CPED1: variants seen among roughly 807,000 people sequenced by gnomAD.
CPED1 encodes cadherin-like and PC-esterase domain-containing protein 1.
A neutral mutation model predicts 128.2 loss-of-function variants in CPED1; 114 were observed. That is an observed-to-expected ratio of 0.89 (90% CI 0.76 to 1.04). The LOEUF is 1.04. CPED1 is among the 50% of genes least tolerant of loss of function. CPED1 has a pLI of 0.00. For missense variants in CPED1, 1,211 were observed against 1,207.1 expected, an observed-to-expected ratio of 1.00 and a Z score of -0.05; for synonymous variants, 462 against 426.7, an observed-to-expected ratio of 1.08 and a Z score of -1.02.
intron 2 of CPED1, among the ~76,000 whole-genome samples, chr7:120,999,677 C>G (rs558774540): frequency 6.6e-6 from 1 of 152,144 alleles, no homozygotes; most frequent in Non-Finnish European, 1.5e-5. Context: ...AACACACTAA[C>G]AGGTACGCAA....
chr7:121,169,166 G>T (rs1364159328), intron 16 of CPED1, among the ~76,000 whole-genome samples: 2 of 152,076 alleles, frequency 1.3e-5, no homozygotes, highest in African/African-American at 4.8e-5. Flanking sequence ...CATTAAATAG[G>T]TTCCGAGTCA....
At chr7:121,249,976 A>G (rs1254182642) in intron 18 of CPED1, among the ~76,000 whole-genome samples, 5 of 152,232 alleles carry the variant, frequency 3.3e-5, no homozygotes, top group African/African-American at 1.2e-4. Context: ...CGGAACTAAT[A>G]GACGTCTACA....
At chr7:120,995,966 C>T (rs2721356) in intron 2 of CPED1, among the ~76,000 whole-genome samples, 92 of 87,096 alleles carry the variant, frequency 1.1e-3, no homozygotes, top group African/African-American at 3.8e-3. Context: ...TCCTCCTCCT[C>T]CTCCTTCTTC....
At chr7:121,150,910 A>G (rs919184168) in intron 16 of CPED1, among the ~76,000 whole-genome samples, 1 of 152,000 alleles carries the variant, frequency 6.6e-6, no homozygotes, top group African/African-American at 2.4e-5. Context: ...CTGGGATTAC[A>G]GGCGCCTGCC....
intron 16 of CPED1, among the ~76,000 whole-genome samples, chr7:121,194,319 G>A (rs1212329870): frequency 6.6e-6 from 1 of 151,778 alleles, no homozygotes; most frequent in Non-Finnish European, 1.5e-5. Flanking sequence ...CCAAAGTGCT[G>A]GGATTACTAG....
At chr7:121,192,707 G>T (rs906562942) in intron 16 of CPED1, among the ~76,000 whole-genome samples, 1 of 152,052 alleles carries the variant, frequency 6.6e-6, no homozygotes, top group Non-Finnish European at 1.5e-5. Context: ...AGAATGAAAG[G>T]ATAGAGAAAA....
intron 16 of CPED1, among the ~76,000 whole-genome samples, chr7:121,216,883 T>C (rs754874903): frequency 3.9e-5 from 6 of 152,050 alleles, no homozygotes; most frequent in Non-Finnish European, 7.4e-5. Context: ...TGTTCCAACA[T>C]GGAATATGTT....
chr7:121,237,674 T>A (rs1038312096), intron 17 of CPED1, among the ~76,000 whole-genome samples: 2 of 152,148 alleles, frequency 1.3e-5, no homozygotes, highest in Non-Finnish European at 2.9e-5. Context: ...TGGTTACTGC[T>A]CTGTCCTCCT....
intron 5 of CPED1, among the ~76,000 whole-genome samples, chr7:121,096,380 G>A (rs1003137846): frequency 6.6e-6 from 1 of 152,074 alleles, no homozygotes; most frequent in African/African-American, 2.4e-5. Context: ...TAAAGGCTTT[G>A]TTCTATTTTG....
chr7:121,178,499 G>T (rs1796832978), intron 16 of CPED1, among the ~76,000 whole-genome samples: 2 of 152,002 alleles, frequency 1.3e-5, no homozygotes, highest in Admixed American at 1.3e-4. Context: ...TCCACTTCAA[G>T]TACAATTGAC....
At chr7:121,178,439 G>A (rs1796831426) in intron 16 of CPED1, among the ~76,000 whole-genome samples, 1 of 152,014 alleles carries the variant, frequency 6.6e-6, no homozygotes, top group Admixed American at 6.6e-5. Flanking sequence ...TTAACTCTGT[G>A]CTGTAATGTA....
At chr7:121,287,316 G>A (rs1792604105) in intron 22 of CPED1, among the ~76,000 whole-genome samples, 1 of 151,990 alleles carries the variant, frequency 6.6e-6, no homozygotes, top group East Asian at 1.9e-4. Flanking sequence ...TACACGAGAG[G>A]GTTATGGTGT....
chr7:121,104,923 C>G (rs1794936898), intron 7 of CPED1, among the ~76,000 whole-genome samples: 1 of 151,958 alleles, frequency 6.6e-6, no homozygotes, highest in Non-Finnish European at 1.5e-5. Flanking sequence ...CCAGTAAATG[C>G]AATAGACAGA....
chr7:121,022,678 T>C (rs1484914573), intron 3 of CPED1, among the ~76,000 whole-genome samples: 10 of 152,142 alleles, frequency 6.6e-5, no homozygotes, highest in Non-Finnish European at 1.5e-5. Context: ...TATAAAGCAG[T>C]GTGACACAGT....
chr7:121,132,367 A>G (rs1795692416), intron 12 of CPED1, among the ~76,000 whole-genome samples: 1 of 151,976 alleles, frequency 6.6e-6, no homozygotes, highest in Admixed American at 6.6e-5. Flanking sequence ...CATTGTCCTT[A>G]TCTTCTCAAT....
intron 22 of CPED1, among the ~76,000 whole-genome samples, chr7:121,293,789 G>A (rs1792763281): frequency 6.6e-6 from 1 of 151,866 alleles, no homozygotes. Flanking sequence ...TGCTTCCTTG[G>A]TGAGGCAACG....
intron 16 of CPED1, chr7:121,149,538 C>T (rs1563045893): frequency 6.6e-6 from 1 of 152,210 alleles, no homozygotes; most frequent in African/African-American, 2.4e-5. Context: ...TCTGCTTCCT[C>T]TGCTAGAAGA....
chr7:121,093,240 G>A (rs79188745), intron 5 of CPED1, among the ~76,000 whole-genome samples: 3 of 152,112 alleles, frequency 2.0e-5, no homozygotes, highest in East Asian at 3.9e-4. Flanking sequence ...AAAAAATTAG[G>A]TTGAACATTA....
At position 121,189,044 on chromosome 7, in the gene CPED1, A is replaced by C. The variant is rs148402585; in HGVS notation, c.2055+46903A>C. On this transcript the variant is annotated intron_variant, in intron 16 of 22. Transcript: ENST00000310396. ...TATCTCAGAAGCTGCTAACTAGCAG[A>C]GTAGTGACTATGCCTTATAGCAGGA... is the stretch of plus-strand genomic sequence containing the variant. Among the ~76,000 whole-genome samples, 12 of 152,294 alleles carry C rather than the reference A, an allele frequency of 7.9e-5. No homozygotes were observed. In the East Asian group the frequency reaches 2.3e-3, roughly 29 times the overall value.
Sources: allele counts gnomAD v4.1 joint callset (sites outside exome capture counted in the v4.1 genomes callset), GRCh38; gene constraint gnomAD v4.1.1; transcripts MANE v1.5; gene names NCBI Gene and HGNC (gene_info 2026-07-23, HGNC 2026-07-21).